The following AFDN variants were observed in gnomAD, a reference collection of about 807,000 sequenced individuals.
AFDN encodes afadin.
AFDN carries 68 observed loss-of-function variants against 216.6 expected under a neutral mutation model. The ratio of observed to expected loss-of-function variants is 0.31; its 90% CI spans 0.26 to 0.38. The LOEUF is 0.38. Ranked by LOEUF, AFDN falls within the 10% of genes least tolerant of loss-of-function variation. AFDN has a pLI of 1.00. For missense variants in AFDN, 2,136 were observed against 2,342.0 expected, an observed-to-expected ratio of 0.91 and a Z score of 1.82; for synonymous variants, 868 against 853.7, an observed-to-expected ratio of 1.02 and a Z score of -0.29.
Position 167,971,312 on chromosome 6 carries a change from T to TA in AFDN, c.*1378dup. 1 of 216,872 alleles carries TA rather than the reference T, an allele frequency of 4.6e-6. No individual in the cohort carries two copies. The highest frequency in any genetic ancestry group is 9.3e-6 in the Non-Finnish European group (1 of 107,886). The allele number at this position is 216,872 out of a possible 1,614,324, so 13.4% of individuals were successfully genotyped here. On this transcript the variant is annotated 3_prime_UTR_variant, in exon 34 of 34. Transcript: ENST00000683244. ...CACATTTTCAAAGAGAATGTTCTCT[T>TA]ACATATGTTAGGAAAATAGGCACAC...
intron 30 of AFDN, among the ~76,000 whole-genome samples, chr6:167,961,505 C>T (rs929670762): frequency 6.6e-6 from 1 of 152,038 alleles, no homozygotes; most frequent in East Asian, 1.9e-4. Context: ...GAGATGTGAG[C>T]AGAAGGATAA....
intron 4 of AFDN, among the ~76,000 whole-genome samples, 156 bp from the exon 5 acceptor site, chr6:167,875,179 A>T (rs1429704524): frequency 1.3e-5 from 2 of 152,242 alleles, no homozygotes; most frequent in Admixed American, 6.5e-5. Context: ...TTTATCATAT[A>T]GTAATTAGCA....
chr6:167,938,565 T>A (rs1171068472), intron 23 of AFDN, among the ~76,000 whole-genome samples: 1 of 152,160 alleles, frequency 6.6e-6, no homozygotes, highest in African/African-American at 2.4e-5. Flanking sequence ...ACATGATCAG[T>A]TTTGCTTCAG....
chr6:167,888,540 T>C (rs979562901), intron 6 of AFDN, among the ~76,000 whole-genome samples: 1 of 152,176 alleles, frequency 6.6e-6, no homozygotes, highest in South Asian at 2.1e-4. Flanking sequence ...CTCCTCCATA[T>C]TACAGTGTTT....
At chr6:167,853,287 T>G (rs1782518424) in intron 1 of AFDN, among the ~76,000 whole-genome samples, 1 of 152,136 alleles carries the variant, frequency 6.6e-6, no homozygotes, top group East Asian at 1.9e-4. Context: ...GTTGGCTTTA[T>G]TGTATCATAT....
At chr6:167,899,221 T>G (rs1196599785) in intron 11 of AFDN, among the ~76,000 whole-genome samples, 1 of 152,092 alleles carries the variant, frequency 6.6e-6, no homozygotes, top group Non-Finnish European at 1.5e-5. Context: ...AGAATTAATG[T>G]CTTTCTCCAA....
At chr6:167,839,049 A>C (rs1378669738) in intron 1 of AFDN, among the ~76,000 whole-genome samples, 2 of 152,014 alleles carry the variant, frequency 1.3e-5, no homozygotes, top group African/African-American at 4.8e-5. Flanking sequence ...AACTTCAAAA[A>C]CTTTTTTTTT....
intron 1 of AFDN, among the ~76,000 whole-genome samples, chr6:167,833,678 C>G (rs1780075442): frequency 6.6e-6 from 1 of 152,092 alleles, no homozygotes; most frequent in African/African-American, 2.4e-5. Context: ...TGTTAACCAG[C>G]TTTTGGTACT....
At chr6:167,952,496 G>C (rs1796106243) in intron 30 of AFDN, 8 of 985,428 alleles carry the variant, frequency 8.1e-6, no homozygotes, top group Non-Finnish European at 9.6e-6. Context: ...ACAAGTATTT[G>C]TTAATGACCA....
At chr6:167,922,308 T>G (rs1791926921) in intron 21 of AFDN, among the ~76,000 whole-genome samples, 1 of 152,248 alleles carries the variant, frequency 6.6e-6, no homozygotes, top group South Asian at 2.1e-4. Context: ...GAACTTTATT[T>G]GTAAGAAATT....
chr6:167,904,486 A>G (rs1304416845), intron 12 of AFDN, among the ~76,000 whole-genome samples: 1 of 152,172 alleles, frequency 6.6e-6, no homozygotes. Flanking sequence ...CTAGGATTAC[A>G]GGTGTAAGCC....
At chr6:167,898,970 G>A (rs1005349869) in intron 11 of AFDN, among the ~76,000 whole-genome samples, 1 of 152,080 alleles carries the variant, frequency 6.6e-6, no homozygotes, top group African/African-American at 2.4e-5. Context: ...TTTTTTGTAG[G>A]TAGGGAATAT....
chr6:167,868,447 CAT>C (rs1378303714), intron 2 of AFDN, among the ~76,000 whole-genome samples: 1 of 152,114 alleles, frequency 6.6e-6, no homozygotes, highest in African/African-American at 2.4e-5. Flanking sequence ...AAGTGTATCT[CAT>C]ATTTATCATT....
At chr6:167,908,973 CTT>C (rs1432497279) in intron 13 of AFDN, among the ~76,000 whole-genome samples, 3 of 152,054 alleles carry the variant, frequency 2.0e-5, no homozygotes, top group Non-Finnish European at 4.4e-5. Context: ...GAGGGGACGA[CTT>C]TTAATTGTCA....
intron 2 of AFDN, among the ~76,000 whole-genome samples, chr6:167,868,643 A>G (rs1262143805): frequency 2.0e-5 from 3 of 151,682 alleles, no homozygotes; most frequent in African/African-American, 4.8e-5. Flanking sequence ...CAAGGAGTCT[A>G]TGTTATCATC....
At chr6:167,964,380 A>G (rs769339250) in intron 31 of AFDN, 9 of 1,064,556 alleles carry the variant, frequency 8.5e-6, no homozygotes, top group Non-Finnish European at 1.0e-5. Flanking sequence ...GTTAATACTA[A>G]GATTCTTGAT....
intron 1 of AFDN, among the ~76,000 whole-genome samples, chr6:167,843,758 G>T (rs1015136340): frequency 3.3e-5 from 5 of 152,152 alleles, no homozygotes; most frequent in Admixed American, 6.5e-5. Flanking sequence ...TTCATGATTT[G>T]GTAGTACATT....
chr6:167,949,913 G>C (rs1795765957), intron 29 of AFDN, among the ~76,000 whole-genome samples: 1 of 152,158 alleles, frequency 6.6e-6, no homozygotes, highest in African/African-American at 2.4e-5. Flanking sequence ...GCCAGAGTGT[G>C]GAATGAAAAG....
chr6:167,875,238 T>C, intron 4 of AFDN, 97 bp from the exon 5 acceptor site: 3 of 1,145,482 alleles, frequency 2.6e-6, no homozygotes, highest in Non-Finnish European at 3.8e-6. Context: ...TGTAGCCAAA[T>C]AGCACCTGCC....
Sources: allele counts gnomAD v4.1 joint callset (sites outside exome capture counted in the v4.1 genomes callset), GRCh38; gene constraint gnomAD v4.1.1; transcripts MANE v1.5; gene names NCBI Gene and HGNC (gene_info 2026-07-23, HGNC 2026-07-21).